Variants in CADM2 observed in about 807,000 individuals in gnomAD.
The protein encoded by CADM2 is cell adhesion molecule 2.
CADM2 carries 12 observed loss-of-function variants against 49.8 expected under a neutral mutation model. That is an observed-to-expected ratio of 0.24 (90% CI 0.15 to 0.39). CADM2 has a LOEUF of 0.39. Ranked by LOEUF, CADM2 falls within the 10% of genes least tolerant of loss-of-function variation. The pLI, the probability that CADM2 is intolerant of heterozygous loss-of-function variation, is 1.00. For missense variants in CADM2, 378 were observed against 492.3 expected (o/e 0.77, Z 2.20); for synonymous variants, 214 against 175.4 (o/e 1.22, Z -1.74).
At chr3:85,154,147 C>T (rs955940122) in intron 1 of CADM2, among the ~76,000 whole-genome samples, 57 of 152,042 alleles carry the variant, frequency 3.7e-4, no homozygotes, top group African/African-American at 1.0e-3. Flanking sequence ...CTCCGAGCTA[C>T]GGGAGGACAT....
chr3:85,111,211 T>C (rs2038445258), intron 1 of CADM2, among the ~76,000 whole-genome samples: 1 of 151,928 alleles, frequency 6.6e-6, no homozygotes, highest in East Asian at 1.9e-4. Context: ...GTCTTTCTTA[T>C]ATTATCTGTC....
At chr3:85,708,678 T>C (rs932312631) in intron 1 of CADM2, among the ~76,000 whole-genome samples, 1 of 152,160 alleles carries the variant, frequency 6.6e-6, no homozygotes, top group Admixed American at 6.6e-5. Flanking sequence ...ATCCACAAAT[T>C]AACCAAAGCC....
chr3:85,216,787 A>G (rs1241318405), intron 1 of CADM2, among the ~76,000 whole-genome samples: 1 of 152,114 alleles, frequency 6.6e-6, no homozygotes. Context: ...TTGCATCATT[A>G]TGTAATGCAG....
chr3:85,852,987 A>AAAAT (rs879627362), intron 3 of CADM2, among the ~76,000 whole-genome samples: 11 of 152,064 alleles, frequency 7.2e-5, no homozygotes, highest in Non-Finnish European at 1.0e-4. Context: ...TGTATGTTTA[A>AAAAT]ATATTTACTT....
intron 1 of CADM2, among the ~76,000 whole-genome samples, chr3:85,437,551 G>T (rs1369715738): frequency 1.3e-5 from 2 of 152,082 alleles, no homozygotes; most frequent in East Asian, 3.9e-4. Flanking sequence ...ACTCTAAGAG[G>T]TATGTAATGG....
chr3:85,591,906 A>G (rs749509371), intron 1 of CADM2, among the ~76,000 whole-genome samples: 4 of 152,028 alleles, frequency 2.6e-5, no homozygotes, highest in Admixed American at 6.6e-5. Context: ...ATTGTCGAAT[A>G]GAAATTTAGT....
intron 2 of CADM2, among the ~76,000 whole-genome samples, chr3:85,772,693 G>A (rs1486149165): frequency 6.6e-6 from 1 of 152,014 alleles, no homozygotes; most frequent in Non-Finnish European, 1.5e-5. Flanking sequence ...CAGTTTAGAG[G>A]AGGAGGATAT....
At chr3:84,991,381 A>C (rs1426775175) in intron 1 of CADM2, among the ~76,000 whole-genome samples, 1 of 152,160 alleles carries the variant, frequency 6.6e-6, no homozygotes, top group African/African-American at 2.4e-5. Flanking sequence ...ATTGTGAAAC[A>C]ACAAAGTGAA....
intron 1 of CADM2, among the ~76,000 whole-genome samples, chr3:85,668,855 G>A (rs1410001214): frequency 6.6e-6 from 1 of 152,088 alleles, no homozygotes; most frequent in African/African-American, 2.4e-5. Context: ...TTTTGATTAT[G>A]TGCAATGTCT....
intron 3 of CADM2, among the ~76,000 whole-genome samples, chr3:85,852,863 T>C (rs2075163239): frequency 6.6e-6 from 1 of 152,064 alleles, no homozygotes; most frequent in South Asian, 2.1e-4. Context: ...ATCATCTAAC[T>C]CAGCACCTGG....
At chr3:85,690,875 T>G (rs2066363120) in intron 1 of CADM2, among the ~76,000 whole-genome samples, 1 of 152,220 alleles carries the variant, frequency 6.6e-6, no homozygotes, top group African/African-American at 2.4e-5. Flanking sequence ...AAACAGAGCA[T>G]TTAGCATGTG....
At chr3:85,875,971 A>G (rs1711777618) in intron 3 of CADM2, among the ~76,000 whole-genome samples, 1 of 152,178 alleles carries the variant, frequency 6.6e-6, no homozygotes, top group Non-Finnish European at 1.5e-5. Context: ...AACTTCCTAT[A>G]GGAATTAAGT....
At chr3:85,324,001 CAAGCTAT>C (rs1048101826) in intron 1 of CADM2, among the ~76,000 whole-genome samples, 2 of 152,136 alleles carry the variant, frequency 1.3e-5, no homozygotes, top group African/African-American at 4.8e-5. Context: ...GTGCGGAAGA[CAAGCTAT>C]AATACTGGCT....
chr3:85,018,117 T>G (rs1360610544), intron 1 of CADM2, among the ~76,000 whole-genome samples: 1 of 152,170 alleles, frequency 6.6e-6, no homozygotes, highest in Non-Finnish European at 1.5e-5. Context: ...TATTGCTTTA[T>G]AGTGTGTGCA....
At chr3:85,265,878 A>G (rs1281130509) in intron 1 of CADM2, among the ~76,000 whole-genome samples, 4 of 151,952 alleles carry the variant, frequency 2.6e-5, no homozygotes, top group Non-Finnish European at 5.9e-5. Context: ...CATATAATAA[A>G]TATATGTTTT....
At chr3:84,974,756 AGATAT>A (rs1160435201) in intron 1 of CADM2, among the ~76,000 whole-genome samples, 1 of 151,986 alleles carries the variant, frequency 6.6e-6, no homozygotes, top group African/African-American at 2.4e-5. Context: ...CTAAGAAGCA[AGATAT>A]ATCACACTTT....
intron 5 of CADM2, among the ~76,000 whole-genome samples, chr3:85,898,956 T>TATATATATATATGTA (rs58838667): frequency 4.6e-5 from 1 of 21,912 alleles, no homozygotes; most frequent in African/African-American, 1.6e-4. Context: ...TATATATATA[T>TATATATATATATGTA]TTTTTTTTTT....
chr3:84,963,625 G>T (rs2030737965), intron 1 of CADM2, among the ~76,000 whole-genome samples: 1 of 151,922 alleles, frequency 6.6e-6, no homozygotes, highest in South Asian at 2.1e-4. Context: ...GTTACATTTA[G>T]TAAAAATATA....
chr3:85,471,166 G>A (rs1265146506), intron 1 of CADM2, among the ~76,000 whole-genome samples: 2 of 152,040 alleles, frequency 1.3e-5, no homozygotes, highest in East Asian at 3.9e-4. Flanking sequence ...TGTAGGGGTG[G>A]CTCAGTTTCG....
Sources: gnomAD v4.1 joint callset for allele counts (sites outside exome capture counted in the v4.1 genomes callset) on GRCh38, gnomAD v4.1.1 for gene constraint, MANE v1.5 for transcripts, NCBI Gene and HGNC (gene_info 2026-07-23, HGNC 2026-07-21) for gene names.